PXDNL: variants seen among roughly 807,000 people sequenced by gnomAD.
PXDNL encodes peroxidasin like, also known as probable oxidoreductase PXDNL.
PXDNL carries 145 observed loss-of-function variants against 150.8 expected under a neutral mutation model. The observed-to-expected ratio is 0.96, with a 90% CI of 0.84 to 1.10. The LOEUF is 1.10. Among genes scored for constraint, PXDNL ranks in the 50% least tolerant of loss-of-function variants. The pLI is 0.00. For synonymous variants in PXDNL, 757 were observed against 725.7 expected, an observed-to-expected ratio of 1.04 and a Z score of -0.69; for missense variants, 2,087 against 1,873.9, an observed-to-expected ratio of 1.11 and a Z score of -2.10.
chr8:51,667,015 C>G (rs1180394988), intron 1 of PXDNL, among the ~76,000 whole-genome samples: 2 of 152,136 alleles, frequency 1.3e-5, no homozygotes, highest in African/African-American at 4.8e-5. Context: ...TGAGCCCAGC[C>G]CAGTGCTTCC....
intron 2 of PXDNL, 50 bp from the exon 3 acceptor site, chr8:51,592,748 G>A: frequency 7.6e-7 from 1 of 1,323,538 alleles, no homozygotes. Context: ...AACAGACTCT[G>A]CAAACATTAA....
intron 1 of PXDNL, among the ~76,000 whole-genome samples, chr8:51,766,876 G>C (rs1356432916): frequency 6.6e-6 from 1 of 152,006 alleles, no homozygotes; most frequent in Non-Finnish European, 1.5e-5. Context: ...GAATTTGCTG[G>C]AATTATTTCT....
chr8:51,389,180 G>C (rs1807817695), intron 17 of PXDNL, among the ~76,000 whole-genome samples: 1 of 152,170 alleles, frequency 6.6e-6, no homozygotes, highest in Non-Finnish European at 1.5e-5. Flanking sequence ...GTATGCACCA[G>C]GTCGTAAAAG....
At chr8:51,685,280 T>C (rs1815848968) in intron 1 of PXDNL, among the ~76,000 whole-genome samples, 1 of 152,202 alleles carries the variant, frequency 6.6e-6, no homozygotes, top group Non-Finnish European at 1.5e-5. Context: ...CTGGGAAATT[T>C]TGAAAGTTGA....
intron 17 of PXDNL, among the ~76,000 whole-genome samples, chr8:51,402,937 A>AC (rs555723372): frequency 8.7e-5 from 13 of 149,076 alleles, no homozygotes; most frequent in Non-Finnish European, 1.8e-4. Context: ...ACACACACAC[A>AC]AAATTAGCCG....
chr8:51,607,285 C>T (rs115518171), intron 2 of PXDNL, among the ~76,000 whole-genome samples: 199 of 152,270 alleles, frequency 1.3e-3, no homozygotes, highest in African/African-American at 4.5e-3. Context: ...ACCTGCCAAA[C>T]ATCACATGCC....
At chr8:51,775,269 GAGA>G (rs1187662334) in intron 1 of PXDNL, among the ~76,000 whole-genome samples, 1 of 152,148 alleles carries the variant, frequency 6.6e-6, no homozygotes, top group Non-Finnish European at 1.5e-5. Flanking sequence ...ATTCCCCAAA[GAGA>G]AGAAGCTATG....
At chr8:51,687,016 C>G (rs946189095) in intron 1 of PXDNL, among the ~76,000 whole-genome samples, 1 of 151,884 alleles carries the variant, frequency 6.6e-6, no homozygotes, top group African/African-American at 2.4e-5. Context: ...TAATTTTAGA[C>G]TTAAGAAAAT....
intron 1 of PXDNL, among the ~76,000 whole-genome samples, chr8:51,673,070 G>A (rs769642966): frequency 3.3e-5 from 5 of 152,026 alleles, no homozygotes; most frequent in African/African-American, 7.2e-5. Context: ...TGGGAAATAC[G>A]CACACACATT....
chr8:51,600,072 T>G (rs1362210013), intron 2 of PXDNL, among the ~76,000 whole-genome samples: 3 of 138,992 alleles, frequency 2.2e-5, no homozygotes, highest in Non-Finnish European at 4.6e-5. Flanking sequence ...AATTATACCT[T>G]ATATAAATGA....
chr8:51,458,148 T>C (rs906095714), intron 8 of PXDNL, among the ~76,000 whole-genome samples: 7 of 152,258 alleles, frequency 4.6e-5, no homozygotes, highest in Admixed American at 3.3e-4. Context: ...AGTATAATTA[T>C]ATGACTAAGC....
chr8:51,746,657 T>C (rs1310897368), intron 1 of PXDNL, among the ~76,000 whole-genome samples: 1 of 152,230 alleles, frequency 6.6e-6, no homozygotes, highest in Non-Finnish European at 1.5e-5. Flanking sequence ...TGAACTTTTA[T>C]TATCTACTTT....
chr8:51,648,621 AT>A (rs565894562), intron 2 of PXDNL, among the ~76,000 whole-genome samples: 60 of 152,204 alleles, frequency 3.9e-4, no homozygotes, highest in African/African-American at 1.3e-3. Flanking sequence ...GGCTTTGGTG[AT>A]TTTTTTTAAA....
intron 1 of PXDNL, among the ~76,000 whole-genome samples, chr8:51,772,235 T>TACACAC (rs200712070): frequency 2.7e-4 from 29 of 107,258 alleles, no homozygotes; most frequent in African/African-American, 8.0e-4. Context: ...TCTCTCTCTA[T>TACACAC]ATACACACAC....
At chr8:51,539,370 T>C (rs902858395) in intron 4 of PXDNL, among the ~76,000 whole-genome samples, 1 of 152,090 alleles carries the variant, frequency 6.6e-6, no homozygotes, top group Admixed American at 6.5e-5. Flanking sequence ...CTCAATTTTC[T>C]AATATTTGGT....
intron 1 of PXDNL, among the ~76,000 whole-genome samples, chr8:51,756,267 C>T (rs771903665): frequency 2.6e-5 from 4 of 151,758 alleles, no homozygotes; most frequent in Non-Finnish European, 4.4e-5. Flanking sequence ...GGTGGTGCGC[C>T]GGCAGTCTCT....
chr8:51,714,016 TAAC>T lies in PXDNL; in HGVS notation c.165-59259_165-59257del, dbSNP rs546826069. On this transcript the variant is annotated intron_variant, in intron 1 of 22. Transcript: ENST00000356297. ...TTCAAATGAAGAAAATTTTACAAAA[TAAC>T]AAGAGCCGGTAATTTTTATCACACT... 4.9e-4 allele frequency among the ~76,000 whole-genome samples: 74 copies of T among 152,256 alleles called. 1 individual carries two copies. Among genetic ancestry groups the T allele is most frequent in the African/African-American group, 1.1e-3 (47 of 41,560 alleles).
intron 17 of PXDNL, among the ~76,000 whole-genome samples, chr8:51,404,945 G>A (rs1196799805): frequency 6.6e-6 from 1 of 152,200 alleles, no homozygotes; most frequent in African/African-American, 2.4e-5. Context: ...CGGGCATGGT[G>A]GGCTGCAGGT....
chr8:51,496,510 T>C (rs1811055278), intron 5 of PXDNL, among the ~76,000 whole-genome samples: 1 of 152,190 alleles, frequency 6.6e-6, no homozygotes, highest in African/African-American at 2.4e-5. Flanking sequence ...GCAGATGACA[T>C]GATTGTATAT....
Sources: allele counts gnomAD v4.1 joint callset (sites outside exome capture counted in the v4.1 genomes callset), GRCh38; gene constraint gnomAD v4.1.1; transcripts MANE v1.5; gene names NCBI Gene and HGNC (gene_info 2026-07-23, HGNC 2026-07-21).